CNTNAP3B: variants seen among roughly 807,000 people sequenced by gnomAD.
The protein encoded by CNTNAP3B is contactin-associated protein-like 3B.
CNTNAP3B carries 25 observed loss-of-function variants against 108.9 expected under a neutral mutation model. The observed-to-expected ratio is 0.23, with a 90% CI of 0.17 to 0.32. The LOEUF (loss-of-function observed/expected upper bound fraction) is 0.32. Ranked by LOEUF, CNTNAP3B falls within the 10% of genes least tolerant of loss-of-function variation. CNTNAP3B has a pLI of 1.00. For missense variants in CNTNAP3B, 252 were observed against 1,210.4 expected, an observed-to-expected ratio of 0.21 and a Z score of 11.75; for synonymous variants, 103 against 473.4, an observed-to-expected ratio of 0.22 and a Z score of 10.16.
At chr9:41,944,299 T>C (rs1824456084) in intron 13 of CNTNAP3B, among the ~76,000 whole-genome samples, 1 of 148,126 alleles carries the variant, frequency 6.8e-6, no homozygotes, top group South Asian at 2.2e-4. Flanking sequence ...AGTGTCTTCT[T>C]CTTAATTGAT....
chr9:41,916,289 C>T (rs1215620441), intron 18 of CNTNAP3B, among the ~76,000 whole-genome samples: 2 of 147,880 alleles, frequency 1.4e-5, no homozygotes, highest in Non-Finnish European at 3.0e-5. Context: ...AAAATATATA[C>T]ATTATATATT....
intron 13 of CNTNAP3B, among the ~76,000 whole-genome samples, chr9:41,951,009 C>T (rs1415384564): frequency 1.8e-5 from 2 of 108,444 alleles, no homozygotes; most frequent in Non-Finnish European, 4.0e-5. Flanking sequence ...CCGCCTCGGC[C>T]TCCCGAAGTG....
intron 3 of CNTNAP3B, among the ~76,000 whole-genome samples, chr9:42,045,770 C>T (rs1285598892): frequency 9.8e-5 from 14 of 143,066 alleles, no homozygotes; most frequent in African/African-American, 3.7e-4. Flanking sequence ...TTGACATTCA[C>T]ACCTTGAAGA....
chr9:41,961,129 ATGT>A (rs1168104990), intron 11 of CNTNAP3B, among the ~76,000 whole-genome samples: 2 of 152,310 alleles, frequency 1.3e-5, no homozygotes, highest in African/African-American at 2.4e-5. Context: ...CAAATGTTGG[ATGT>A]TGTTAGATGC....
chr9:42,107,869 G>A (rs1200091361), intron 1 of CNTNAP3B, among the ~76,000 whole-genome samples: 2 of 128,578 alleles, frequency 1.6e-5, no homozygotes, highest in East Asian at 2.5e-4. Flanking sequence ...CAGCTTCCCA[G>A]GAGGCTGAAG....
chr9:42,111,405 C>T (rs1351032695), intron 1 of CNTNAP3B, among the ~76,000 whole-genome samples: 1 of 139,000 alleles, frequency 7.2e-6, no homozygotes, highest in East Asian at 2.2e-4. Context: ...CAAATAAAGG[C>T]ATAGTATCTG....
intron 14 of CNTNAP3B, among the ~76,000 whole-genome samples, chr9:41,932,419 A>C (rs1824004405): frequency 6.6e-6 from 1 of 151,840 alleles, no homozygotes; most frequent in African/African-American, 2.4e-5. Flanking sequence ...ATTATTTGCC[A>C]GGGAACTTTA....
intron 2 of CNTNAP3B, among the ~76,000 whole-genome samples, chr9:42,080,615 G>C (rs1018795282): frequency 7.6e-6 from 1 of 130,760 alleles, no homozygotes; most frequent in African/African-American, 3.1e-5. Flanking sequence ...CCCCCAACTA[G>C]AGTGTGGTAA....
rs565503452 is a variant in CNTNAP3B, at chr9:41,953,154, C to G, written c.2080+29G>C. 1,545 of 1,504,416 alleles carry G rather than the reference C, an allele frequency of 1.0e-3. 3 individuals are homozygous for G. The African/African-American group carries it at 0.019, about 19-fold the overall frequency. The allele number at this position is 1,504,416 out of a possible 1,614,324, so 93.2% of individuals were successfully genotyped here. Reference sequence around the variant, plus strand: ...GAGGGCCGCGCCCCGGCCTCGTGAGCCCCTGTAGCCTCCAGCAGTGGCGCT... The same window carrying G: ...GAGGGCCGCGCCCCGGCCTCGTGAGGCCCTGTAGCCTCCAGCAGTGGCGCT... On this transcript the variant is annotated intron_variant, in intron 13 of 23. Coordinates refer to ENST00000377561, the MANE Select transcript of CNTNAP3B (RefSeq NM_001201380.3).
intron 14 of CNTNAP3B, among the ~76,000 whole-genome samples, chr9:41,933,907 C>G (rs1256967493): frequency 6.6e-6 from 1 of 152,158 alleles, no homozygotes; most frequent in African/African-American, 2.4e-5. Flanking sequence ...ATTTTTTATA[C>G]TTATTCAACA....
At chr9:42,032,758 C>T (rs1477694102) in intron 3 of CNTNAP3B, among the ~76,000 whole-genome samples, 1 of 136,280 alleles carries the variant, frequency 7.3e-6, no homozygotes, top group African/African-American at 2.9e-5. Context: ...ATAATAGACA[C>T]TTATTCTCGC....
At chr9:42,122,079 T>A (rs1259702664) in intron 1 of CNTNAP3B, among the ~76,000 whole-genome samples, 1 of 139,838 alleles carries the variant, frequency 7.2e-6, no homozygotes, top group Non-Finnish European at 1.5e-5. Flanking sequence ...CTTAGGGAAT[T>A]CAAAGTTTTC....
At chr9:42,042,097 G>A (rs1338586066) in intron 3 of CNTNAP3B, among the ~76,000 whole-genome samples, 1 of 142,348 alleles carries the variant, frequency 7.0e-6, no homozygotes, top group African/African-American at 2.7e-5. Context: ...GGGGTGGTGG[G>A]AGGAGGGATA....
chr9:42,118,074 C>A (rs1254783870), intron 1 of CNTNAP3B, among the ~76,000 whole-genome samples: 3 of 135,336 alleles, frequency 2.2e-5, no homozygotes, highest in Non-Finnish European at 3.1e-5. Flanking sequence ...CAGATGGATT[C>A]ACAGCCCAAT....
intron 10 of CNTNAP3B, among the ~76,000 whole-genome samples, chr9:41,968,529 C>T: frequency 7.0e-6 from 1 of 142,606 alleles, no homozygotes; most frequent in South Asian, 2.2e-4. Context: ...TCATATACTC[C>T]TCATCTTTGA....
At chr9:41,948,541 AG>A (rs1223000118) in intron 13 of CNTNAP3B, among the ~76,000 whole-genome samples, 1 of 149,380 alleles carries the variant, frequency 6.7e-6, no homozygotes, top group African/African-American at 2.4e-5. Context: ...ATATGAAAAA[AG>A]AAAACTACAT....
Position 42,129,185 on chromosome 9 carries a change from C to T in CNTNAP3B, c.-91G>A, listed in dbSNP as rs1828635228. On this transcript the variant is annotated 5_prime_UTR_variant, in exon 1 of 24. Transcript: ENST00000377561. Reference sequence around the variant, plus strand: ...TCACTCCCGCTCTCACTCCCGTCCCCTGCGCGGCTCCGACGCTGCTCTGTC... The same window carrying T: ...TCACTCCCGCTCTCACTCCCGTCCCTTGCGCGGCTCCGACGCTGCTCTGTC... 8 of 1,466,954 alleles carry T rather than the reference C, an allele frequency of 5.5e-6. 1 individual carries two copies. The highest frequency in any genetic ancestry group is 6.4e-6 in the Non-Finnish European group (7 of 1,098,368). The allele number at this position is 1,466,954 out of a possible 1,614,324, so 90.9% of individuals were successfully genotyped here. A position where few individuals can be genotyped will look rare whatever the true frequency, so the allele number is the denominator to read the frequency against.
At chr9:42,077,095 A>G (rs781171947) in intron 2 of CNTNAP3B, 33 bp from the exon 3 acceptor site, 1 of 1,532,230 alleles carries the variant, frequency 6.5e-7, no homozygotes, top group South Asian at 1.2e-5. Context: ...TAAAAATGGT[A>G]GAGGAGGAAG....
At chr9:42,041,866 G>GA (rs1178717725) in intron 3 of CNTNAP3B, among the ~76,000 whole-genome samples, 1 of 145,326 alleles carries the variant, frequency 6.9e-6, no homozygotes, top group Non-Finnish European at 1.5e-5. Flanking sequence ...AATGGATTAA[G>GA]AAAATGTGGC....
Sources: allele counts gnomAD v4.1 joint callset (sites outside exome capture counted in the v4.1 genomes callset), GRCh38; gene constraint gnomAD v4.1.1; transcripts MANE v1.5; gene names NCBI Gene and HGNC (gene_info 2026-07-23, HGNC 2026-07-21).